THRB: variants seen among roughly 807,000 people sequenced by gnomAD.
THRB encodes nuclear receptor subfamily 1 group A member 2.
Under a neutral mutation model 47.8 loss-of-function variants are expected in THRB, and 12 were observed. The observed-to-expected ratio is 0.25, with a 90% CI of 0.16 to 0.41. The LOEUF (loss-of-function observed/expected upper bound fraction) is 0.41, where lower values mean the gene tolerates loss of function less well. Among genes scored for constraint, THRB ranks in the 10% least tolerant of loss-of-function variants. The probability of loss-of-function intolerance (pLI) is 1.00; values close to 1 mark genes in which losing one functional copy is unlikely to be tolerated. For missense variants in THRB, 348 were observed against 589.2 expected, an observed-to-expected ratio of 0.59 and a Z score of 4.24; for synonymous variants, 218 against 212.2, an observed-to-expected ratio of 1.03 and a Z score of -0.24.
chr3:24,214,998 C>T (rs370385452), intron 4 of THRB, among the ~76,000 whole-genome samples: 3 of 152,180 alleles, frequency 2.0e-5, no homozygotes, highest in Admixed American at 6.5e-5. Context: ...ACATTTGAAA[C>T]GTTTTCCACT....
At chr3:24,262,718 CACCTCTCTTCCT>C (rs2052195740) in intron 3 of THRB, among the ~76,000 whole-genome samples, 2 of 152,224 alleles carry the variant, frequency 1.3e-5, no homozygotes, top group African/African-American at 4.8e-5. Context: ...ATTTAAATTA[CACCTCTCTTCCT>C]AATCACTTTT....
chr3:24,362,754 C>A (rs1012088213), intron 1 of THRB, among the ~76,000 whole-genome samples: 4 of 152,142 alleles, frequency 2.6e-5, no homozygotes, highest in Admixed American at 2.6e-4. Context: ...CTATAATTAT[C>A]CTGCTTTAAC....
intron 1 of THRB, among the ~76,000 whole-genome samples, chr3:24,345,265 C>T (rs891724763): frequency 6.6e-6 from 1 of 152,136 alleles, no homozygotes; most frequent in Non-Finnish European, 1.5e-5. Flanking sequence ...GTCCCTCCTA[C>T]CCCTTTAAAC....
intron 3 of THRB, among the ~76,000 whole-genome samples, chr3:24,286,114 C>T (rs533464423): frequency 1.3e-5 from 2 of 152,274 alleles, no homozygotes; most frequent in South Asian, 4.2e-4. Flanking sequence ...AGGAAGTGGG[C>T]CCTTACCAGA....
chr3:24,210,999 G>C (rs978187079), intron 4 of THRB, among the ~76,000 whole-genome samples: 1 of 152,068 alleles, frequency 6.6e-6, no homozygotes, highest in Non-Finnish European at 1.5e-5. Context: ...AGGAGTTCGA[G>C]ACCAGCCTGG....
intron 1 of THRB, among the ~76,000 whole-genome samples, chr3:24,362,834 T>C (rs778432209): frequency 2.6e-5 from 4 of 152,194 alleles, no homozygotes; most frequent in Admixed American, 6.6e-5. Flanking sequence ...GTTAGAGGGA[T>C]GTAAGCCAAG....
At chr3:24,148,190 G>A (rs1429897748) in intron 6 of THRB, among the ~76,000 whole-genome samples, 2 of 152,142 alleles carry the variant, frequency 1.3e-5, no homozygotes, top group East Asian at 1.9e-4. Flanking sequence ...GCAGTGGTGC[G>A]ATCTTGGCTC....
chr3:24,356,397 G>T (rs938985488), intron 1 of THRB, among the ~76,000 whole-genome samples: 1 of 152,096 alleles, frequency 6.6e-6, no homozygotes, highest in East Asian at 1.9e-4. Flanking sequence ...TGTCTTTGCA[G>T]GCTCTTCTCC....
rs553731762 is a variant in THRB at position 24,237,488 on chromosome 3, CTT to C, written c.-42-8489_-42-8488del. On this transcript the variant is annotated intron_variant, in intron 3 of 10. Coordinates refer to ENST00000646209, the MANE Select transcript of THRB (RefSeq NM_001354712.2). ...ATCTCATTCTAGAGTTCCCCCTACT[CTT>C]TATGTTAGTCAATATCCAGGCCAAA... is the stretch of plus-strand genomic sequence containing the variant. 5.3e-5 allele frequency among the ~76,000 whole-genome samples: 8 copies of C among 152,288 alleles called. No homozygotes were observed. In the East Asian group the frequency reaches 1.5e-3, roughly 29 times the overall value.
chr3:24,238,274 TGTGTG>T (rs1334873042), intron 3 of THRB, among the ~76,000 whole-genome samples: 426 of 7,922 alleles, frequency 0.054, 2 homozygotes, highest in South Asian at 0.2. Context: ...TGTGTGTGTG[TGTGTG>T]GGGGGGGGGG....
At chr3:24,143,225 T>G (rs2035666576) in intron 8 of THRB, among the ~76,000 whole-genome samples, 1 of 152,204 alleles carries the variant, frequency 6.6e-6, no homozygotes, top group African/African-American at 2.4e-5. Context: ...CTGGGAGTGG[T>G]CTTTCTAACA....
chr3:24,128,298 G>A (rs1395591169), intron 9 of THRB, among the ~76,000 whole-genome samples: 1 of 152,176 alleles, frequency 6.6e-6, no homozygotes, highest in Admixed American at 6.5e-5. Context: ...GAGGCCCAGA[G>A]ATATAAGCTT....
chr3:24,380,756 CCAGTTTTA>C (rs2065645945), intron 1 of THRB, among the ~76,000 whole-genome samples: 1 of 152,104 alleles, frequency 6.6e-6, no homozygotes, highest in Admixed American at 6.6e-5. Flanking sequence ...ATTACTTCTT[CCAGTTTTA>C]CAGATAAGAA....
At chr3:24,233,240 A>G (rs2048426935) in intron 3 of THRB, among the ~76,000 whole-genome samples, 1 of 152,188 alleles carries the variant, frequency 6.6e-6, no homozygotes, top group Admixed American at 6.5e-5. Flanking sequence ...TAGGTCCAGG[A>G]ACTTTGGAAG....
chr3:24,348,507 T>C (rs1338242089), intron 1 of THRB: 1 of 152,126 alleles, frequency 6.6e-6, no homozygotes, highest in Non-Finnish European at 1.5e-5. Context: ...GAGGCACAGT[T>C]TGTAGGTCCT....
chr3:24,420,135 G>C (rs1044688302), intron 1 of THRB, among the ~76,000 whole-genome samples: 1 of 151,926 alleles, frequency 6.6e-6, no homozygotes, highest in Non-Finnish European at 1.5e-5. Context: ...ATAGTGCTTA[G>C]CAAATGTTAG....
intron 9 of THRB, among the ~76,000 whole-genome samples, chr3:24,129,938 A>G (rs997545838): frequency 1.3e-5 from 2 of 152,212 alleles, no homozygotes; most frequent in African/African-American, 4.8e-5. Context: ...TATCATGAAC[A>G]CAGTTTGAAT....
intron 4 of THRB, among the ~76,000 whole-genome samples, chr3:24,212,410 TAAAACAA>T (rs552196650): frequency 3.3e-4 from 45 of 134,814 alleles, no homozygotes; most frequent in African/African-American, 1.3e-3. Context: ...AACAACAAAA[TAAAACAA>T]AAAACGAAAC....
intron 4 of THRB, among the ~76,000 whole-genome samples, chr3:24,193,518 A>T (rs928859551): frequency 6.6e-6 from 1 of 152,216 alleles, no homozygotes; most frequent in Non-Finnish European, 1.5e-5. Context: ...CCTCAGAGTA[A>T]ATTTTCATTA....
Sources: gnomAD v4.1 joint callset for allele counts (sites outside exome capture counted in the v4.1 genomes callset) on GRCh38, gnomAD v4.1.1 for gene constraint, MANE v1.5 for transcripts, NCBI Gene and HGNC (gene_info 2026-07-23, HGNC 2026-07-21) for gene names.